USP25: variants seen among roughly 807,000 people sequenced by gnomAD.
USP25 encodes the protein ubiquitin carboxyl-terminal hydrolase 25.
Under a neutral mutation model 158.5 loss-of-function variants are expected in USP25, and 85 were observed. The ratio of observed to expected loss-of-function variants is 0.54; its 90% CI spans 0.45 to 0.64. The LOEUF is 0.64. Ranked by LOEUF, USP25 falls within the 30% of genes least tolerant of loss-of-function variation. The pLI, the probability that USP25 is intolerant of heterozygous loss-of-function variation, is 0.00. For synonymous variants in USP25, 464 were observed against 460.4 expected (o/e 1.01, Z -0.10); for missense variants, 1,242 against 1,327.3 (o/e 0.94, Z 1.00).
intron 9 of USP25, among the ~76,000 whole-genome samples, chr21:15,813,257 A>T (rs2036764939): frequency 6.6e-6 from 1 of 151,948 alleles, no homozygotes; most frequent in Non-Finnish European, 1.5e-5. Context: ...CGTTTTTTCC[A>T]CTCATTTCAG....
At chr21:15,861,433 A>T (rs1295125968) in intron 20 of USP25, among the ~76,000 whole-genome samples, 1 of 152,198 alleles carries the variant, frequency 6.6e-6, no homozygotes, top group Non-Finnish European at 1.5e-5. Context: ...ATTTCATTGC[A>T]GTGTCTGTGA....
At chr21:15,763,993 C>G (rs1478104852) in intron 2 of USP25, among the ~76,000 whole-genome samples, 1 of 152,102 alleles carries the variant, frequency 6.6e-6, no homozygotes. Flanking sequence ...GCAGCCTGAT[C>G]CCAGGTGCCA....
chr21:15,746,202 A>G (rs1192262997), intron 1 of USP25, among the ~76,000 whole-genome samples: 7 of 152,172 alleles, frequency 4.6e-5, no homozygotes. Flanking sequence ...ATTCTGAGGT[A>G]CTTTGAACAG....
At chr21:15,852,503 GT>G (rs963871187) in intron 20 of USP25, among the ~76,000 whole-genome samples, 29 of 152,208 alleles carry the variant, frequency 1.9e-4, no homozygotes, top group African/African-American at 6.5e-4. Flanking sequence ...GTAGTATCTG[GT>G]TGATAGTAAA....
intron 17 of USP25, among the ~76,000 whole-genome samples, chr21:15,836,514 GA>G (rs1220388623): frequency 6.6e-6 from 1 of 150,670 alleles, no homozygotes; most frequent in African/African-American, 2.5e-5. Flanking sequence ...TCAGTGTGGG[GA>G]TCAGAATGAG....
At chr21:15,731,103 C>T (rs1207579651) in intron 1 of USP25, among the ~76,000 whole-genome samples, 1 of 146,404 alleles carries the variant, frequency 6.8e-6, no homozygotes, top group Non-Finnish European at 1.5e-5. Flanking sequence ...TCACCCTTTA[C>T]TCTTGCATCA....
intron 18 of USP25, among the ~76,000 whole-genome samples, chr21:15,846,726 C>G (rs1164130188): frequency 6.6e-6 from 1 of 151,874 alleles, no homozygotes; most frequent in Non-Finnish European, 1.5e-5. Flanking sequence ...TTTCAAGCAC[C>G]TTCAGTACTT....
At chr21:15,845,578 C>T (rs1179540869) in intron 18 of USP25, among the ~76,000 whole-genome samples, 1 of 152,072 alleles carries the variant, frequency 6.6e-6, no homozygotes, top group Non-Finnish European at 1.5e-5. Context: ...GTTTATAAAA[C>T]ATTTATGTTC....
intron 5 of USP25, among the ~76,000 whole-genome samples, chr21:15,796,967 C>G (rs1473999050): frequency 6.6e-6 from 1 of 151,296 alleles, no homozygotes; most frequent in Non-Finnish European, 1.5e-5. Flanking sequence ...CTGTAAAGAA[C>G]AAAATGTAAA....
At chr21:15,739,022 C>G (rs999531182) in intron 1 of USP25, among the ~76,000 whole-genome samples, 1 of 152,130 alleles carries the variant, frequency 6.6e-6, no homozygotes, top group Non-Finnish European at 1.5e-5. Flanking sequence ...TTGCTCACCC[C>G]GGGAGCTCGG....
intron 3 of USP25, among the ~76,000 whole-genome samples, chr21:15,768,623 C>G (rs1267922324): frequency 6.6e-6 from 1 of 151,876 alleles, no homozygotes; most frequent in African/African-American, 2.4e-5. Flanking sequence ...AAATGCAGGC[C>G]TCTATTTAAA....
intron 20 of USP25, among the ~76,000 whole-genome samples, chr21:15,852,769 C>T (rs1260646742): frequency 6.6e-6 from 1 of 151,984 alleles, no homozygotes; most frequent in African/African-American, 2.4e-5. Context: ...CTCTTTCTAC[C>T]TTTTTATGTC....
At position 15,730,976 on chromosome 21, in the gene USP25, G is replaced by GTTTTTTT. The variant is rs748732727; in HGVS notation, c.45+557_45+563dup. The stretch of plus-strand genomic sequence containing the variant: ...TTTCCCTTTCTTCTTCTTCTTTTCT[G>GTTTTTTT]TTTTTTTTTTTTTTTTTTTTTTTTT... On this transcript the variant is annotated intron_variant, in intron 1 of 25. Transcript: ENST00000400183. 2.5e-3 allele frequency among the ~76,000 whole-genome samples: 136 copies of GTTTTTTT among 53,648 alleles called. 24 individuals are homozygous for GTTTTTTT. The highest frequency in any genetic ancestry group is 7.8e-3 in the African/African-American group (114 of 14,570). The allele number at this position is 53,648 out of a possible 152,430, so 35.2% of individuals were successfully genotyped here. A position where few individuals can be genotyped will look rare whatever the true frequency, so the allele number is the denominator to read the frequency against.
rs180992549 is a variant in USP25 at position 15,774,378 on chromosome 21, T to G, written c.269-3526T>G. Among the ~76,000 whole-genome samples the G allele has an allele frequency of 1.3e-3, 195 of 152,312 alleles. 3 individuals are homozygous for G. The highest frequency in any genetic ancestry group is 2.1e-4 in the Non-Finnish European group (14 of 68,020). ...CAAGCCTTTAAGTATTGAGAAGATA[T>G]CAAGCTCACAGTGGTAGAAACAAGT... On this transcript the variant is annotated intron_variant, in intron 3 of 25. Coordinates refer to ENST00000400183, the MANE Select transcript of USP25 (RefSeq NM_001283041.3).
chr21:15,730,918 A>G (rs1166326868), intron 1 of USP25, among the ~76,000 whole-genome samples: 2 of 142,634 alleles, frequency 1.4e-5, no homozygotes, highest in Non-Finnish European at 3.0e-5. Flanking sequence ...CTCTAGAAGT[A>G]GGTGGTTTGC....
intron 15 of USP25, among the ~76,000 whole-genome samples, chr21:15,831,104 T>G (rs2037776714): frequency 6.6e-6 from 1 of 152,196 alleles, no homozygotes. Context: ...TATAAGCTTT[T>G]TATTCAAATA....
chr21:15,732,711 A>G (rs2031049394), intron 1 of USP25, among the ~76,000 whole-genome samples: 1 of 152,174 alleles, frequency 6.6e-6, no homozygotes, highest in South Asian at 2.1e-4. Context: ...ATTATTTTCA[A>G]GATTTTTAAA....
intron 4 of USP25, among the ~76,000 whole-genome samples, chr21:15,786,362 A>G (rs547449082): frequency 1.3e-5 from 2 of 152,188 alleles, no homozygotes; most frequent in Non-Finnish European, 2.9e-5. Flanking sequence ...TCCCTGATCA[A>G]CCTAGATGCA....
chr21:15,810,620 G>T (rs1313671875), intron 8 of USP25, among the ~76,000 whole-genome samples: 1 of 152,180 alleles, frequency 6.6e-6, no homozygotes, highest in Non-Finnish European at 1.5e-5. Context: ...TAGCTGTTCA[G>T]CTACTTTGGG....
Sources: gnomAD v4.1 joint callset for allele counts (sites outside exome capture counted in the v4.1 genomes callset) on GRCh38, gnomAD v4.1.1 for gene constraint, MANE v1.5 for transcripts, NCBI Gene and HGNC (gene_info 2026-07-23, HGNC 2026-07-21) for gene names.